FHIT: variants seen among roughly 807,000 people sequenced by gnomAD.
FHIT encodes bis(5'-adenosyl)-triphosphatase.
In FHIT, 19 loss-of-function variants were observed where a neutral mutation model predicts 17.9. That is an observed-to-expected ratio of 1.06 (90% CI 0.74 to 1.56). The LOEUF is 1.56. Ranked by LOEUF, FHIT falls within the 40% of genes most tolerant of loss-of-function variation. The pLI, the probability that FHIT is intolerant of heterozygous loss-of-function variation, is 0.00. For synonymous variants in FHIT, 81 were observed against 69.7 expected (o/e 1.16, Z -0.81); for missense variants, 248 against 189.2 (o/e 1.31, Z -1.82).
At position 59,937,759 on chromosome 3, in the gene FHIT, G is replaced by A. The variant is rs145309913; in HGVS notation, c.280-15345C>T. 1.6e-3 allele frequency among the ~76,000 whole-genome samples: 248 copies of A among 152,238 alleles called. 1 individual carries two copies. Among genetic ancestry groups the A allele is most frequent in the African/African-American group, 5.7e-3 (235 of 41,534 alleles). On this transcript the variant is annotated intron_variant, in intron 7 of 9. Transcript: ENST00000492590. ...TCATTCAATATTGCTATTTTCACAT[G>A]TGACTTCAACAAAATAAAACATTCG... is the stretch of plus-strand genomic sequence containing the variant.
chr3:60,357,062 G>A (rs576760593), intron 5 of FHIT, among the ~76,000 whole-genome samples: 10 of 152,188 alleles, frequency 6.6e-5, no homozygotes, highest in African/African-American at 2.2e-4. Context: ...TTCAAATTAC[G>A]TTTCTTTCCT....
intron 7 of FHIT, among the ~76,000 whole-genome samples, chr3:59,940,634 G>A (rs1329948424): frequency 6.6e-6 from 1 of 152,178 alleles, no homozygotes; most frequent in Non-Finnish European, 1.5e-5. Context: ...AAAGTCAGAT[G>A]AGCTGGGATG....
intron 3 of FHIT, among the ~76,000 whole-genome samples, chr3:60,824,465 C>T (rs1435083646): frequency 6.6e-6 from 1 of 151,954 alleles, no homozygotes; most frequent in Non-Finnish European, 1.5e-5. Context: ...GAATAAGTAA[C>T]CAGAATATAT....
At chr3:59,821,762 A>AT (rs1288292292) in intron 8 of FHIT, among the ~76,000 whole-genome samples, 3 of 152,078 alleles carry the variant, frequency 2.0e-5, no homozygotes, top group East Asian at 1.9e-4. Flanking sequence ...TTTTAAAAAA[A>AT]ATATATAAAT....
chr3:60,535,231 A>G (rs1412721519), intron 5 of FHIT, among the ~76,000 whole-genome samples: 5 of 152,180 alleles, frequency 3.3e-5, no homozygotes. Flanking sequence ...CTCAAAAGGA[A>G]CAACAACAAA....
intron 4 of FHIT, among the ~76,000 whole-genome samples, chr3:60,654,859 A>C (rs1047816972): frequency 6.6e-6 from 1 of 152,230 alleles, no homozygotes; most frequent in African/African-American, 2.4e-5. Context: ...TGACAATGCA[A>C]AAATAATGGT....
At chr3:61,082,183 C>T (rs2035161438) in intron 2 of FHIT, among the ~76,000 whole-genome samples, 1 of 152,094 alleles carries the variant, frequency 6.6e-6, no homozygotes, top group South Asian at 2.1e-4. Context: ...AAACACTACC[C>T]AAATCAAGAA....
intron 1 of FHIT, among the ~76,000 whole-genome samples, chr3:61,216,188 C>T (rs1364096567): frequency 2.0e-5 from 3 of 152,138 alleles, no homozygotes; most frequent in Non-Finnish European, 4.4e-5. Flanking sequence ...AAAGAAACTA[C>T]CATCAGAGTG....
intron 4 of FHIT, among the ~76,000 whole-genome samples, chr3:60,635,059 T>C (rs2039546076): frequency 6.6e-6 from 1 of 151,762 alleles, no homozygotes; most frequent in South Asian, 2.1e-4. Flanking sequence ...AATTGAAAAA[T>C]GTTTCCAATT....
At chr3:59,768,100 G>T (rs1701890730) in intron 8 of FHIT, among the ~76,000 whole-genome samples, 1 of 152,180 alleles carries the variant, frequency 6.6e-6, no homozygotes, top group Admixed American at 6.5e-5. Flanking sequence ...CTACTAAAAA[G>T]GTCCCTCAAC....
chr3:60,403,481 C>T (rs1701738505), intron 5 of FHIT, among the ~76,000 whole-genome samples: 1 of 152,212 alleles, frequency 6.6e-6, no homozygotes. Context: ...GCCCTCCTCT[C>T]TCTAGCCTCT....
intron 8 of FHIT, among the ~76,000 whole-genome samples, chr3:59,792,660 C>T (rs530553118): frequency 5.3e-5 from 8 of 152,194 alleles, no homozygotes; most frequent in African/African-American, 1.9e-4. Context: ...GAATCTAGTA[C>T]ATAGTAAGAG....
At chr3:60,100,294 G>A (rs1292903511) in intron 5 of FHIT, among the ~76,000 whole-genome samples, 1 of 152,090 alleles carries the variant, frequency 6.6e-6, no homozygotes, top group African/African-American at 2.4e-5. Flanking sequence ...TGAGACAAGA[G>A]AATCGCTTGA....
Position 60,041,971 on chromosome 3 carries a change from T to C in FHIT, c.104-27819A>G, listed in dbSNP as rs75854725. Among the ~76,000 whole-genome samples the C allele has an allele frequency of 4.3e-3, 654 of 152,358 alleles. 8 individuals are homozygous for C. Among genetic ancestry groups the C allele is most frequent in the African/African-American group, 0.015 (613 of 41,584 alleles). ...TAGCTTTTTGGAAAAATCCACATTT[T>C]AAAGAAGTATACAATAAAAAAATAA... On this transcript the variant is annotated intron_variant, in intron 5 of 9. Transcript: ENST00000492590.
At chr3:60,263,021 G>A (rs537724368) in intron 5 of FHIT, among the ~76,000 whole-genome samples, 1 of 151,796 alleles carries the variant, frequency 6.6e-6, no homozygotes, top group African/African-American at 2.4e-5. Flanking sequence ...ATCTCAGTAA[G>A]ATAGTCAACC....
chr3:60,819,376 C>T (rs539719101), intron 4 of FHIT, among the ~76,000 whole-genome samples: 1 of 152,288 alleles, frequency 6.6e-6, no homozygotes, highest in Non-Finnish European at 1.5e-5. Flanking sequence ...AGCTCTTAGA[C>T]TGGTGGCATT....
intron 1 of FHIT, among the ~76,000 whole-genome samples, chr3:61,220,678 G>A (rs1306645960): frequency 6.6e-6 from 1 of 152,076 alleles, no homozygotes; most frequent in Non-Finnish European, 1.5e-5. Context: ...ACATCTTCTA[G>A]AACACTGTCT....
At chr3:61,105,315 G>A (rs1022063646) in intron 2 of FHIT, among the ~76,000 whole-genome samples, 4 of 151,808 alleles carry the variant, frequency 2.6e-5, no homozygotes, top group Admixed American at 6.6e-5. Flanking sequence ...CACTGGCTTC[G>A]TTTCTGGAAA....
intron 4 of FHIT, chr3:60,596,060 A>G (rs2038260820): frequency 3.8e-6 from 1 of 261,708 alleles, no homozygotes; most frequent in South Asian, 1.5e-4. Context: ...CTCCCTTCTG[A>G]TTTCTCCATT....
Sources: allele counts gnomAD v4.1 joint callset (sites outside exome capture counted in the v4.1 genomes callset), GRCh38; gene constraint gnomAD v4.1.1; transcripts MANE v1.5; gene names NCBI Gene and HGNC (gene_info 2026-07-23, HGNC 2026-07-21).